The following NRG1 variants were observed in gnomAD, a reference collection of about 807,000 sequenced individuals.
The protein encoded by NRG1 is neuregulin 1.
NRG1 carries 18 observed loss-of-function variants against 63.8 expected under a neutral mutation model. That is an observed-to-expected ratio of 0.28 (90% CI 0.19 to 0.42). NRG1 has a LOEUF of 0.42. Among genes scored for constraint, NRG1 ranks in the 10% least tolerant of loss-of-function variants. The pLI is 1.00. For missense variants in NRG1, 762 were observed against 814.7 expected (o/e 0.94, Z 0.79); for synonymous variants, 302 against 301.3 (o/e 1.00, Z -0.02).
chr8:31,654,240 G>A (rs1055245631), intron 1 of NRG1, among the ~76,000 whole-genome samples: 2 of 152,284 alleles, frequency 1.3e-5, no homozygotes, highest in South Asian at 4.1e-4. Flanking sequence ...AGCAAGAATT[G>A]TTGGTGATTT....
intron 1 of NRG1, among the ~76,000 whole-genome samples, chr8:31,673,371 G>T (rs1807359740): frequency 6.6e-6 from 1 of 152,182 alleles, no homozygotes; most frequent in Non-Finnish European, 1.5e-5. Flanking sequence ...TTTACCCTCA[G>T]TGGCATTGAG....
At chr8:32,704,005 T>C (rs1214613347) in intron 5 of NRG1, among the ~76,000 whole-genome samples, 1 of 152,206 alleles carries the variant, frequency 6.6e-6, no homozygotes, top group East Asian at 1.9e-4. Flanking sequence ...AACAAGCACT[T>C]ACAAAGTAGT....
At chr8:31,921,652 T>C (rs1833929506) in intron 1 of NRG1, among the ~76,000 whole-genome samples, 1 of 152,162 alleles carries the variant, frequency 6.6e-6, no homozygotes, top group African/African-American at 2.4e-5. Flanking sequence ...AAAAAGAACC[T>C]CTCTGAAATC....
At chr8:31,751,308 G>T (rs926563512) in intron 1 of NRG1, among the ~76,000 whole-genome samples, 4 of 151,960 alleles carry the variant, frequency 2.6e-5, no homozygotes, top group Admixed American at 2.6e-4. Flanking sequence ...AGTGAAGGAA[G>T]GTTTCATTAA....
intron 1 of NRG1, among the ~76,000 whole-genome samples, chr8:32,402,414 A>G (rs747124236): frequency 2.5e-4 from 38 of 152,102 alleles, no homozygotes; most frequent in Non-Finnish European, 5.0e-4. Context: ...AAAATATTAA[A>G]TGGAAAATTT....
intron 1 of NRG1, among the ~76,000 whole-genome samples, chr8:32,535,917 T>C (rs1465382214): frequency 6.6e-6 from 1 of 152,164 alleles, no homozygotes; most frequent in African/African-American, 2.4e-5. Flanking sequence ...AGCTAAGAAG[T>C]AGCAGAGCAG....
intron 1 of NRG1, among the ~76,000 whole-genome samples, chr8:31,724,979 A>G (rs1344271006): frequency 6.6e-6 from 1 of 152,226 alleles, no homozygotes; most frequent in Non-Finnish European, 1.5e-5. Context: ...ATAGTACATA[A>G]ACAAATGAGG....
intron 4 of NRG1, among the ~76,000 whole-genome samples, chr8:32,614,892 G>A (rs1847056290): frequency 6.6e-6 from 1 of 152,044 alleles, no homozygotes; most frequent in Non-Finnish European, 1.5e-5. Flanking sequence ...GATTCTCTTA[G>A]CTGCCTTCTA....
chr8:32,023,126 C>T (rs1248909684), intron 1 of NRG1, among the ~76,000 whole-genome samples: 1 of 152,186 alleles, frequency 6.6e-6, no homozygotes, highest in African/African-American at 2.4e-5. Flanking sequence ...CACCCCATCT[C>T]AGGGAATCAT....
At chr8:32,244,803 G>A (rs1205195900) in intron 1 of NRG1, among the ~76,000 whole-genome samples, 1 of 152,154 alleles carries the variant, frequency 6.6e-6, no homozygotes, top group African/African-American at 2.4e-5. Flanking sequence ...GAGAAGTAGT[G>A]GCAAAGGCCA....
intron 1 of NRG1, among the ~76,000 whole-genome samples, chr8:31,709,610 A>G (rs1185223800): frequency 1.3e-5 from 2 of 152,090 alleles, no homozygotes; most frequent in African/African-American, 4.8e-5. Context: ...AATAATTGGC[A>G]CATTTCTCTA....
chr8:31,690,659 T>G (rs1809408098), intron 1 of NRG1, among the ~76,000 whole-genome samples: 1 of 152,132 alleles, frequency 6.6e-6, no homozygotes, highest in African/African-American at 2.4e-5. Context: ...TGCGCTATAC[T>G]TGGAAGATAG....
At chr8:32,182,083 C>T (rs185368871) in intron 1 of NRG1, among the ~76,000 whole-genome samples, 258 of 152,278 alleles carry the variant, frequency 1.7e-3, no homozygotes, top group Admixed American at 3.3e-3. Context: ...CAGCAAGGAT[C>T]AGCTGAGGTT....
intron 1 of NRG1, among the ~76,000 whole-genome samples, chr8:32,253,766 G>C (rs926856503): frequency 6.6e-6 from 1 of 152,188 alleles, no homozygotes; most frequent in African/African-American, 2.4e-5. Flanking sequence ...AGAAGGAATG[G>C]TACCAGCTCC....
chr8:31,682,332 T>G (rs959085843), intron 1 of NRG1, among the ~76,000 whole-genome samples: 2 of 152,282 alleles, frequency 1.3e-5, no homozygotes, highest in Non-Finnish European at 2.9e-5. Context: ...TTATGTGGTG[T>G]TGTCACCGTT....
Position 31,928,649 on chromosome 8 carries a change from TAC to T in NRG1, c.37+289239_37+289240del, listed in dbSNP as rs35727947. Among the ~76,000 whole-genome samples, 94 of 148,238 alleles carry T rather than the reference TAC, an allele frequency of 6.3e-4. 1 individual carries two copies. Among genetic ancestry groups the T allele is most frequent in the East Asian group, 4.4e-3 (22 of 4,978 alleles). On this transcript the variant is annotated intron_variant, in intron 1 of 10. Transcript: ENST00000519301. ...TACCATGAAATACTATATATATATA[TAC>T]ACACACACACACACACACACCATGA...
chr8:32,468,405 G>A (rs10112956), intron 1 of NRG1, among the ~76,000 whole-genome samples: 85,810 of 151,882 alleles, frequency 0.56, 24,930 homozygotes, highest in Non-Finnish European at 0.6. Flanking sequence ...AAAAACAAAA[G>A]GGCCCTATAA....
At chr8:32,735,122 T>A (rs1303538398) in intron 6 of NRG1, among the ~76,000 whole-genome samples, 2 of 152,204 alleles carry the variant, frequency 1.3e-5, no homozygotes, top group East Asian at 1.9e-4. Flanking sequence ...GAGTATGCAG[T>A]CATACTCTTC....
intron 1 of NRG1, among the ~76,000 whole-genome samples, chr8:32,243,967 C>T (rs954277417): frequency 4.6e-5 from 7 of 152,116 alleles, no homozygotes; most frequent in African/African-American, 7.2e-5. Flanking sequence ...TGCAGGAAAT[C>T]GACGTTCATT....
Sources: allele counts gnomAD v4.1 joint callset (sites outside exome capture counted in the v4.1 genomes callset), GRCh38; gene constraint gnomAD v4.1.1; transcripts MANE v1.5; gene names NCBI Gene and HGNC (gene_info 2026-07-23, HGNC 2026-07-21).